KLHDC1: variants seen among roughly 807,000 people sequenced by gnomAD.
KLHDC1 encodes kelch domain containing 1.
KLHDC1 carries 53 observed loss-of-function variants against 68.3 expected under a neutral mutation model. That is an observed-to-expected ratio of 0.78 (90% CI 0.62 to 0.98). The LOEUF is 0.98. KLHDC1 is among the 50% of genes least tolerant of loss of function. The pLI is 0.00. For synonymous variants in KLHDC1, 148 were observed against 159.0 expected, an observed-to-expected ratio of 0.93 and a Z score of 0.52; for missense variants, 470 against 492.3, an observed-to-expected ratio of 0.95 and a Z score of 0.43.
At chr14:49,721,341 C>CA (rs1555339625) in intron 4 of KLHDC1, among the ~76,000 whole-genome samples, 4 of 150,946 alleles carry the variant, frequency 2.6e-5, no homozygotes, top group Non-Finnish European at 4.4e-5. Flanking sequence ...CCTTTCTTTC[C>CA]TTTTTTTTTA....
intron 1 of KLHDC1, among the ~76,000 whole-genome samples, chr14:49,702,716 C>A (rs1244518915): frequency 6.6e-6 from 1 of 152,112 alleles, no homozygotes; most frequent in Non-Finnish European, 1.5e-5. Context: ...ATAAAAATAC[C>A]TGAAAGTCAG....
intron 6 of KLHDC1, among the ~76,000 whole-genome samples, chr14:49,727,768 T>C (rs1888707979): frequency 6.6e-6 from 1 of 152,278 alleles, no homozygotes; most frequent in Non-Finnish European, 1.5e-5. Flanking sequence ...ATCTGAATTA[T>C]GTCTTACCAA....
intron 10 of KLHDC1, among the ~76,000 whole-genome samples, chr14:49,738,365 G>A (rs1451551098): frequency 6.9e-6 from 1 of 143,892 alleles, no homozygotes; most frequent in Non-Finnish European, 1.5e-5. Context: ...TTGAGTCAGA[G>A]TGTAGCTCTG....
At chr14:49,718,847 G>A (rs372581797) in intron 4 of KLHDC1, among the ~76,000 whole-genome samples, 32 of 135,502 alleles carry the variant, frequency 2.4e-4, no homozygotes, top group African/African-American at 7.9e-4. Context: ...GTGCAGTGGC[G>A]CGATCCTAGC....
intron 4 of KLHDC1, among the ~76,000 whole-genome samples, chr14:49,711,280 C>T (rs1056338902): frequency 7.2e-5 from 11 of 152,218 alleles, no homozygotes; most frequent in African/African-American, 2.7e-4. Context: ...CGGCTCACTG[C>T]AACCTCCACC....
intron 8 of KLHDC1, 54 bp downstream of exon 8, chr14:49,729,602 A>G: frequency 8.8e-7 from 1 of 1,137,082 alleles, no homozygotes. Flanking sequence ...ATGTGTCTGT[A>G]TGTCACCATA....
At chr14:49,719,523 G>T (rs1888472382) in intron 4 of KLHDC1, among the ~76,000 whole-genome samples, 1 of 151,734 alleles carries the variant, frequency 6.6e-6, no homozygotes. Flanking sequence ...CTTCCTCCCG[G>T]GTTCAAGTGA....
At chr14:49,746,370 C>T (rs990986495) in intron 12 of KLHDC1, among the ~76,000 whole-genome samples, 2 of 151,940 alleles carry the variant, frequency 1.3e-5, no homozygotes, top group African/African-American at 4.8e-5. Flanking sequence ...AAGGAGAAAG[C>T]CAGCAACTCA....
At chr14:49,735,342 T>A (rs901640395) in intron 10 of KLHDC1, among the ~76,000 whole-genome samples, 17 of 152,052 alleles carry the variant, frequency 1.1e-4, no homozygotes, top group Non-Finnish European at 2.5e-4. Flanking sequence ...TTGGTAATTC[T>A]TTTTTACGCT....
chr14:49,751,733 A>G lies in KLHDC1; in HGVS notation c.1182A>G (p.Glu394=). Residue 394 remains glutamate, a synonymous_variant, in exon 13 of 13, where the codon GAA becomes GAG. Transcript: ENST00000359332. ...NHREEQRVQK[E]ETENKYQWIS... ...GAGAAGAACAAAGAGTCCAAAAAGA[A>G]GAAACAGAAAATAAATATCAGTGGA... The G allele has an allele frequency of 6.3e-7, 1 of 1,594,468 alleles. No individual in the cohort carries two copies.
chr14:49,747,524 C>T lies in KLHDC1; in HGVS notation c.1034+3719C>T, dbSNP rs1889229582. Reference sequence around the variant, plus strand: ...AACAGATTTTTAAATTAGTCCTTGACTGGAGAAAGGATTCTTTTCTTTAAA... The same window carrying T: ...AACAGATTTTTAAATTAGTCCTTGATTGGAGAAAGGATTCTTTTCTTTAAA... On this transcript the variant is annotated intron_variant, in intron 12 of 12. Transcript: ENST00000359332. Among the ~76,000 whole-genome samples the T allele has an allele frequency of 2.0e-5, 3 of 152,124 alleles. No individual in the cohort carries two copies. In the South Asian group the frequency reaches 6.2e-4, roughly 32 times the overall value.
chr14:49,738,820 C>T (rs973324483), intron 10 of KLHDC1, among the ~76,000 whole-genome samples: 3 of 152,194 alleles, frequency 2.0e-5, no homozygotes, highest in Admixed American at 6.5e-5. Flanking sequence ...TAGCATTTGC[C>T]GATTTCCAAG....
chr14:49,727,719 A>G (rs1478565269), intron 6 of KLHDC1, among the ~76,000 whole-genome samples: 1 of 152,172 alleles, frequency 6.6e-6, no homozygotes, highest in African/African-American at 2.4e-5. Flanking sequence ...GGGAACCAAA[A>G]TTCTTAAGTG....
intron 12 of KLHDC1, chr14:49,750,896 C>G (rs565975934): frequency 4.6e-5 from 7 of 152,196 alleles, no homozygotes; most frequent in Non-Finnish European, 1.0e-4. Context: ...CCATTCCTGT[C>G]TTTCACCCTG....
chr14:49,713,835 TATATATATATA>T lies in KLHDC1; in HGVS notation c.404+3455_404+3465del, dbSNP rs1888289901. ...ATATATATATATATATATATATATA[TATATATATATA>T]TATATTTTTTTTTTTTTTTTTCCTG... is the stretch of plus-strand genomic sequence containing the variant. On this transcript the variant is annotated intron_variant, in intron 4 of 12. Transcript: ENST00000359332. 4.8e-3 allele frequency among the ~76,000 whole-genome samples: 47 copies of T among 9,854 alleles called. 5 individuals are homozygous for T. The highest frequency in any genetic ancestry group is 6.6e-3 in the African/African-American group (18 of 2,732). The allele number at this position is 9,854 out of a possible 152,430, so 6.5% of individuals were successfully genotyped here. A position where few individuals can be genotyped will look rare whatever the true frequency, so the allele number is the denominator to read the frequency against.
At chr14:49,708,087 T>C (rs1416562181) in intron 1 of KLHDC1, among the ~76,000 whole-genome samples, 5 of 150,296 alleles carry the variant, frequency 3.3e-5, no homozygotes, top group African/African-American at 1.2e-4. Flanking sequence ...TTTTTTTTTT[T>C]TGAGACAAAT....
At chr14:49,727,579 C>T (rs1888703704) in intron 6 of KLHDC1, among the ~76,000 whole-genome samples, 1 of 152,168 alleles carries the variant, frequency 6.6e-6, no homozygotes. Context: ...TCTCTGGATT[C>T]TCTTTTTCCA....
chr14:49,711,040 T>C (rs544255792), intron 4 of KLHDC1, among the ~76,000 whole-genome samples: 78 of 152,178 alleles, frequency 5.1e-4, no homozygotes, highest in African/African-American at 1.8e-3. Flanking sequence ...TTGCTCAGGC[T>C]GGAGTGCAAT....
rs548619321 is a variant in KLHDC1 at position 49,694,550 on chromosome 14, T to TA, written c.96+1270dup. Among the ~76,000 whole-genome samples, 94 of 149,786 alleles carry TA rather than the reference T, an allele frequency of 6.3e-4. No individual in the cohort carries two copies. In the East Asian group the frequency reaches 8.0e-3, roughly 13 times the overall value. On this transcript the variant is annotated intron_variant, in intron 1 of 12. Coordinates refer to ENST00000359332, the MANE Select transcript of KLHDC1 (RefSeq NM_172193.3). ...GTTAAGCATGCAATAGTATTATGTG[T>TA]AAAAAAAAAATGTACATACCTGGCT...
Sources: gnomAD v4.1 joint callset for allele counts (sites outside exome capture counted in the v4.1 genomes callset) on GRCh38, gnomAD v4.1.1 for gene constraint, MANE v1.5 for transcripts, NCBI Gene and HGNC (gene_info 2026-07-23, HGNC 2026-07-21) for gene names.